Variants in PAX7 observed in about 807,000 individuals in gnomAD.
PAX7 encodes the protein paired box 7, also known as paired box protein Pax-7.
In PAX7, 18 loss-of-function variants were observed where a neutral mutation model predicts 50.7. The ratio of observed to expected loss-of-function variants is 0.36; its 90% CI spans 0.25 to 0.53. The LOEUF (loss-of-function observed/expected upper bound fraction) is 0.53. Among genes scored for constraint, PAX7 ranks in the 20% least tolerant of loss-of-function variants. PAX7 has a pLI of 0.93. For missense variants in PAX7, 644 were observed against 702.9 expected, an observed-to-expected ratio of 0.92 and a Z score of 0.95; for synonymous variants, 310 against 290.4, an observed-to-expected ratio of 1.07 and a Z score of -0.69.
intron 4 of PAX7, among the ~76,000 whole-genome samples, chr1:18,682,203 T>TG (rs1268890085): frequency 6.6e-6 from 1 of 152,168 alleles, no homozygotes; most frequent in South Asian, 2.1e-4. Context: ...ATTGAACCTG[T>TG]GGGGGTCTCT....
intron 7 of PAX7, among the ~76,000 whole-genome samples, chr1:18,710,017 G>A (rs957493258): frequency 1.3e-5 from 2 of 152,214 alleles, no homozygotes; most frequent in African/African-American, 4.8e-5. Context: ...AACAGCACAT[G>A]CCCAGTACTG....
At chr1:18,658,956 G>A (rs765483451) in intron 4 of PAX7, among the ~76,000 whole-genome samples, 18 of 152,218 alleles carry the variant, frequency 1.2e-4, no homozygotes, top group Middle Eastern at 6.8e-3. Flanking sequence ...GTGCATGCAC[G>A]TATATGTGTG....
At chr1:18,635,503 A>AAGGT (rs1353742191) in intron 3 of PAX7, among the ~76,000 whole-genome samples, 179 of 149,742 alleles carry the variant, frequency 1.2e-3, no homozygotes, top group South Asian at 6.4e-3. Flanking sequence ...AGAAGGAAGG[A>AAGGT]AGGAAGGTAG....
At chr1:18,699,348 A>C in intron 5 of PAX7, among the ~76,000 whole-genome samples, 1 of 151,990 alleles carries the variant, frequency 6.6e-6, no homozygotes, top group Non-Finnish European at 1.5e-5. Flanking sequence ...GCAATTAAGG[A>C]GTAGGAGTAG....
intron 4 of PAX7, among the ~76,000 whole-genome samples, chr1:18,680,880 G>A (rs1048213654): frequency 3.3e-5 from 5 of 152,138 alleles, no homozygotes; most frequent in Non-Finnish European, 5.9e-5. Context: ...ATTTTGAGCC[G>A]GGCGCGGTGG....
chr1:18,709,211 G>T (rs1328230643), intron 7 of PAX7, among the ~76,000 whole-genome samples: 2 of 152,114 alleles, frequency 1.3e-5, no homozygotes, highest in East Asian at 3.9e-4. Context: ...ACACGGTTGG[G>T]TTAGCGGCAT....
chr1:18,642,839 T>G (rs1406734799), intron 4 of PAX7, among the ~76,000 whole-genome samples: 1 of 150,222 alleles, frequency 6.7e-6, no homozygotes, highest in Non-Finnish European at 1.5e-5. Flanking sequence ...CTCCAAAACT[T>G]CAAACGAAGT....
chr1:18,647,922 T>C (rs945681691), intron 4 of PAX7, among the ~76,000 whole-genome samples: 1 of 152,296 alleles, frequency 6.6e-6, no homozygotes. Flanking sequence ...GAAATAGACC[T>C]GCTCTGTGGG....
chr1:18,674,849 C>T (rs1232298060), intron 4 of PAX7, among the ~76,000 whole-genome samples: 2 of 152,312 alleles, frequency 1.3e-5, no homozygotes, highest in African/African-American at 2.4e-5. Flanking sequence ...GAACCACCCC[C>T]ACCAACAGCA....
At chr1:18,670,536 C>T (rs1031957268) in intron 4 of PAX7, among the ~76,000 whole-genome samples, 10 of 152,196 alleles carry the variant, frequency 6.6e-5, no homozygotes, top group African/African-American at 2.2e-4. Flanking sequence ...CTCCACTAAG[C>T]ACCTCTCCAC....
intron 7 of PAX7, among the ~76,000 whole-genome samples, chr1:18,710,733 CT>C (rs2089339790): frequency 1.3e-5 from 2 of 151,842 alleles, no homozygotes; most frequent in African/African-American, 2.4e-5. Flanking sequence ...CAATTACCCC[CT>C]CCTTCACACA....
At chr1:18,731,185 C>T (rs890875419) in intron 7 of PAX7, among the ~76,000 whole-genome samples, 3 of 152,218 alleles carry the variant, frequency 2.0e-5, no homozygotes, top group Non-Finnish European at 2.9e-5. Flanking sequence ...TGAACTTCCT[C>T]AAGTTGAAAA....
intron 4 of PAX7, among the ~76,000 whole-genome samples, chr1:18,688,893 G>A (rs577106): frequency 0.34 from 51,713 of 152,012 alleles, 9,183 homozygotes; most frequent in East Asian, 0.5. Flanking sequence ...TAGCCTGGGC[G>A]ACAGAACAAA....
chr1:18,687,415 A>G (rs890410366), intron 4 of PAX7, among the ~76,000 whole-genome samples: 1 of 151,682 alleles, frequency 6.6e-6, no homozygotes, highest in African/African-American at 2.4e-5. Flanking sequence ...GGACCCTCAA[A>G]CTCCTTCCCA....
At chr1:18,725,697 T>TC (rs2089556378) in intron 7 of PAX7, among the ~76,000 whole-genome samples, 1 of 152,048 alleles carries the variant, frequency 6.6e-6, no homozygotes, top group East Asian at 1.9e-4. Context: ...ATCGGCCCCT[T>TC]CCCCCCGAGC....
intron 4 of PAX7, among the ~76,000 whole-genome samples, chr1:18,678,304 C>G (rs1046753281): frequency 1.3e-5 from 2 of 151,980 alleles, no homozygotes; most frequent in African/African-American, 4.8e-5. Context: ...GAGGCTGAGA[C>G]AGGAGAATCG....
chr1:18,743,341 G>A (rs1178186076), intron 8 of PAX7, among the ~76,000 whole-genome samples: 4 of 152,194 alleles, frequency 2.6e-5, no homozygotes, highest in Admixed American at 6.5e-5. Flanking sequence ...ACAGCCTCCC[G>A]TGGCTCAACG....
At chr1:18,660,597 A>G (rs1269639094) in intron 4 of PAX7, among the ~76,000 whole-genome samples, 1 of 152,146 alleles carries the variant, frequency 6.6e-6, no homozygotes, top group East Asian at 1.9e-4. Flanking sequence ...CCCCCTAGGA[A>G]GGGCTGTGAC....
intron 4 of PAX7, among the ~76,000 whole-genome samples, chr1:18,691,550 G>T (rs2089070174): frequency 1.3e-5 from 2 of 152,220 alleles, no homozygotes; most frequent in South Asian, 4.1e-4. Flanking sequence ...CTAGGGTTGG[G>T]CATGGAGGTT....
Sources: allele counts gnomAD v4.1 joint callset (sites outside exome capture counted in the v4.1 genomes callset), GRCh38; gene constraint gnomAD v4.1.1; transcripts MANE v1.5; gene names NCBI Gene and HGNC (gene_info 2026-07-23, HGNC 2026-07-21).